CDK13: variants seen among roughly 807,000 people sequenced by gnomAD.
CDK13 encodes the protein cyclin dependent kinase 13.
Under a neutral mutation model 137.6 loss-of-function variants are expected in CDK13, and 40 were observed. The observed-to-expected ratio is 0.29, with a 90% CI of 0.23 to 0.38. CDK13 has a LOEUF of 0.38. Ranked by LOEUF, CDK13 falls within the 10% of genes least tolerant of loss-of-function variation. The pLI is 1.00. For missense variants in CDK13, 1,704 were observed against 1,951.8 expected (o/e 0.87, Z 2.39); for synonymous variants, 869 against 760.1 (o/e 1.14, Z -2.36).
At chr7:39,984,888 C>G (rs1052379626) in intron 1 of CDK13, 2 of 151,856 alleles carry the variant, frequency 1.3e-5, no homozygotes, top group Non-Finnish European at 2.9e-5. Flanking sequence ...GCAGGAGAAT[C>G]GCTTGAACCC....
chr7:40,043,545 C>T (rs1329057122), intron 5 of CDK13, among the ~76,000 whole-genome samples: 2 of 152,062 alleles, frequency 1.3e-5, no homozygotes, highest in East Asian at 1.9e-4. Flanking sequence ...TTTATATGTG[C>T]GTGGTACCTC....
At chr7:40,012,016 A>G (rs1348952871) in intron 5 of CDK13, among the ~76,000 whole-genome samples, 2 of 152,234 alleles carry the variant, frequency 1.3e-5, no homozygotes, top group Non-Finnish European at 2.9e-5. Flanking sequence ...GATGGCCAAT[A>G]AGCACATGAA....
chr7:40,050,431 GC>G lies in CDK13; in HGVS notation c.2600+2556del, dbSNP rs777154320. Among the ~76,000 whole-genome samples the G allele has an allele frequency of 2.0e-5, 3 of 152,150 alleles. No individual in the cohort carries two copies. The South Asian group carries it at 6.2e-4, about 32-fold the overall frequency. ...TTATTTGAGACAGTCTCACTCTGTCGCCTAGGCTGGAGTGCAGTGGCGTGAT... is the reference window on the plus strand; with the variant it reads ...TTATTTGAGACAGTCTCACTCTGTCGCTAGGCTGGAGTGCAGTGGCGTGAT... On this transcript the variant is annotated intron_variant, in intron 7 of 13. Transcript: ENST00000181839.
chr7:40,073,439 A>G (rs935043477), intron 9 of CDK13, among the ~76,000 whole-genome samples: 3 of 152,278 alleles, frequency 2.0e-5, no homozygotes, highest in South Asian at 2.1e-4. Context: ...CAGTAGGTCA[A>G]GGTTGCACTG....
chr7:39,988,766 T>C (rs1784394450), intron 2 of CDK13, among the ~76,000 whole-genome samples: 1 of 152,076 alleles, frequency 6.6e-6, no homozygotes, highest in Non-Finnish European at 1.5e-5. Flanking sequence ...GCAGTTGGGA[T>C]TAATCACATT....
chr7:39,982,955 A>G (rs1784261014), intron 1 of CDK13, among the ~76,000 whole-genome samples: 1 of 151,990 alleles, frequency 6.6e-6, no homozygotes, highest in South Asian at 2.1e-4. Context: ...ATTTTCTCCC[A>G]TGTTGTAGGT....
rs533985686 is a variant in CDK13 at position 39,966,179 on chromosome 7, G to A, written c.1211+14327G>A. Among the ~76,000 whole-genome samples the A allele has an allele frequency of 2.6e-5, 4 of 151,240 alleles. No individual in the cohort carries two copies. The South Asian group carries it at 6.2e-4, about 24-fold the overall frequency. On this transcript the variant is annotated intron_variant, in intron 1 of 13. Coordinates refer to ENST00000181839, the MANE Select transcript of CDK13 (RefSeq NM_003718.5). ...AATGTTGGCCTACCTTGCTAGATTA[G>A]GGAAGTTCTCCTGGATAATATCCTG... is the stretch of plus-strand genomic sequence containing the variant.
At chr7:39,991,484 AGTGTGTGTGTGTGTGTGT>A (rs66520870) in intron 2 of CDK13, among the ~76,000 whole-genome samples, 1 of 143,670 alleles carries the variant, frequency 7.0e-6, no homozygotes, top group Non-Finnish European at 1.5e-5. Context: ...CATTAGCAAA[AGTGTGTGTGTGTGTGTGT>A]GTGTGTGTGT....
chr7:40,047,742 C>A (rs1785781665), intron 6 of CDK13, 79 bp from the exon 7 acceptor site: 1 of 940,690 alleles, frequency 1.1e-6, no homozygotes, highest in Non-Finnish European at 1.7e-6. Context: ...TTAATCAGTT[C>A]TAGGCATAGA....
chr7:39,980,066 G>A (rs1397560961), intron 1 of CDK13, among the ~76,000 whole-genome samples: 4 of 152,176 alleles, frequency 2.6e-5, no homozygotes, highest in African/African-American at 9.6e-5. Flanking sequence ...AAATAAATTT[G>A]TGTTGTTCTA....
At chr7:39,960,344 T>C (rs1013197442) in intron 1 of CDK13, among the ~76,000 whole-genome samples, 1 of 151,172 alleles carries the variant, frequency 6.6e-6, no homozygotes, top group Non-Finnish European at 1.5e-5. Context: ...CAAGCTCCGC[T>C]TCCCAGGTTC....
Position 39,950,597 on chromosome 7 carries a change from G to A in CDK13, c.-45G>A, listed in dbSNP as rs2116044552. Reference sequence around the variant, plus strand: ...GGGGAGATGGCCAGGATCTGACCCGGGAGGAGGCCGCACCCGCGCCGCGCT... The same window carrying A: ...GGGGAGATGGCCAGGATCTGACCCGAGAGGAGGCCGCACCCGCGCCGCGCT... On this transcript the variant is annotated 5_prime_UTR_variant, in exon 1 of 14. Coordinates refer to ENST00000181839, the MANE Select transcript of CDK13 (RefSeq NM_003718.5). The A allele has an allele frequency of 7.7e-7, 1 of 1,293,200 alleles. No individual in the cohort carries two copies. The allele number at this position is 1,293,200 out of a possible 1,614,324, so 80.1% of individuals were successfully genotyped here. A position where few individuals can be genotyped will look rare whatever the true frequency, so the allele number is the denominator to read the frequency against.
At chr7:40,023,728 G>T (rs1396619652) in intron 5 of CDK13, among the ~76,000 whole-genome samples, 1 of 151,696 alleles carries the variant, frequency 6.6e-6, no homozygotes, top group East Asian at 1.9e-4. Context: ...CTCGTGATCC[G>T]CCCGCCTCGG....
At chr7:39,992,671 C>G (rs143657385) in intron 2 of CDK13, among the ~76,000 whole-genome samples, 1 of 151,672 alleles carries the variant, frequency 6.6e-6, no homozygotes, top group African/African-American at 2.4e-5. Flanking sequence ...AGTACTCCCC[C>G]CCTACCCCCT....
At chr7:40,015,465 C>T (rs1001665256) in intron 5 of CDK13, among the ~76,000 whole-genome samples, 1 of 152,112 alleles carries the variant, frequency 6.6e-6, no homozygotes, top group Admixed American at 6.6e-5. Flanking sequence ...TTTTCTTCAT[C>T]TGCAAAATGG....
At chr7:40,019,957 C>T (rs1785078118) in intron 5 of CDK13, among the ~76,000 whole-genome samples, 1 of 152,162 alleles carries the variant, frequency 6.6e-6, no homozygotes, top group Non-Finnish European at 1.5e-5. Flanking sequence ...ATGATTTTTG[C>T]ACTTTCATGA....
At chr7:40,064,443 A>G (rs1584058213) in intron 9 of CDK13, among the ~76,000 whole-genome samples, 1 of 152,160 alleles carries the variant, frequency 6.6e-6, no homozygotes, top group Non-Finnish European at 1.5e-5. Context: ...TACTTTACCA[A>G]CTGAACAAAA....
chr7:39,980,479 CA>C (rs1256509593), intron 1 of CDK13, among the ~76,000 whole-genome samples: 2 of 152,172 alleles, frequency 1.3e-5, no homozygotes, highest in Non-Finnish European at 2.9e-5. Flanking sequence ...ACAGGATCAT[CA>C]CTTTATATAG....
chr7:40,069,256 C>A, intron 9 of CDK13: 1 of 443,790 alleles, frequency 2.3e-6, no homozygotes, highest in Non-Finnish European at 4.5e-6. Context: ...AATAAAACAA[C>A]AAAACATAAA....
Sources: allele counts gnomAD v4.1 joint callset (sites outside exome capture counted in the v4.1 genomes callset), GRCh38; gene constraint gnomAD v4.1.1; transcripts MANE v1.5; gene names NCBI Gene and HGNC (gene_info 2026-07-23, HGNC 2026-07-21).